SHD: variants seen among roughly 807,000 people sequenced by gnomAD.
SHD encodes Src homology 2 domain containing transforming protein D.
SHD carries 29 observed loss-of-function variants against 31.2 expected under a neutral mutation model. The observed-to-expected ratio is 0.93, with a 90% CI of 0.69 to 1.27. SHD has a LOEUF of 1.27. SHD is among the 50% of genes most tolerant of loss of function. The pLI, the probability that SHD is intolerant of heterozygous loss-of-function variation, is 0.00. For synonymous variants in SHD, 208 were observed against 187.8 expected (o/e 1.11, Z -0.88); for missense variants, 520 against 453.8 (o/e 1.15, Z -1.33).
rs114364058 is a variant in SHD at position 4,281,040 on chromosome 19, G to A, written c.297+680G>A. On this transcript the variant is annotated intron_variant, in intron 1 of 5. Coordinates refer to ENST00000543264, the MANE Select transcript of SHD (RefSeq NM_020209.4). ...CTGCTGGGCACCTAAATATCCTCCCGGTGATGCTGCCCTTCCTACCACTAT... is the reference window on the plus strand; with the variant it reads ...CTGCTGGGCACCTAAATATCCTCCCAGTGATGCTGCCCTTCCTACCACTAT... Among the ~76,000 whole-genome samples the A allele has an allele frequency of 3.2e-3, 487 of 151,338 alleles. 1 individual carries two copies. The highest frequency in any genetic ancestry group is 0.011 in the African/African-American group (465 of 41,276).
intron 1 of SHD, among the ~76,000 whole-genome samples, chr19:4,280,569 C>T (rs1971247722): frequency 6.6e-6 from 1 of 152,148 alleles, no homozygotes; most frequent in Non-Finnish European, 1.5e-5. Flanking sequence ...CCCTGTCACC[C>T]AGGCTGGAGT....
chr19:4,287,340 AG>A (rs1306753291), intron 4 of SHD, among the ~76,000 whole-genome samples: 4 of 148,268 alleles, frequency 2.7e-5, no homozygotes, highest in South Asian at 2.2e-4. Flanking sequence ...TCAAAAAAAA[AG>A]AAAGAAAAAG....
chr19:4,285,496 C>T (rs1971299396), intron 4 of SHD, among the ~76,000 whole-genome samples: 1 of 152,136 alleles, frequency 6.6e-6, no homozygotes, highest in Non-Finnish European at 1.5e-5. Flanking sequence ...CAATACAGAA[C>T]TGGCTATTTA....
chr19:4,283,739 C>T (rs1428610658), intron 3 of SHD, among the ~76,000 whole-genome samples: 12 of 151,554 alleles, frequency 7.9e-5, no homozygotes, highest in African/African-American at 2.4e-4. Flanking sequence ...CCACCACGCC[C>T]GGCTAATTTT....
chr19:4,284,890 C>G lies in SHD; in HGVS notation c.702C>G (p.Pro234=). The G allele has an allele frequency of 6.3e-7, 1 of 1,599,952 alleles. No homozygotes were observed. The highest frequency in any genetic ancestry group is 1.1e-5 in the South Asian group (1 of 90,050). ...CGGAGCGTGTGGACCCAGCCCTGCC[C>G]CTGGAGAAACAGCCGTGAGTGGGGA... ...QPAERVDPAL[P]LEKQPWFHGP... is the part of the protein sequence containing the mutation. Residue 234 remains proline, a synonymous_variant, in exon 4 of 6, where the codon CCC becomes CCG. Transcript: ENST00000543264.
chr19:4,288,764 C>T (rs970020702), intron 5 of SHD, among the ~76,000 whole-genome samples: 2 of 152,118 alleles, frequency 1.3e-5, no homozygotes, highest in East Asian at 1.9e-4. Context: ...TACGCACTTC[C>T]GTCCCTAAAA....
rs757653062 is a variant in SHD at position 4,284,861 on chromosome 19, C to A, written c.673C>A (p.Pro225Thr). The A allele has an allele frequency of 1.9e-6, 3 of 1,612,544 alleles. No individual in the cohort carries two copies. Among genetic ancestry groups the A allele is most frequent in the Non-Finnish European group, 2.5e-6 (3 of 1,179,534 alleles). Residue 225 changes from proline (P) to threonine (T), a missense_variant, in exon 4 of 6, where the codon CCT (proline) becomes ACT (threonine). By Grantham distance (38) the Pro-to-Thr change is conservative. Transcript: ENST00000543264. ...GAGACCTCCGCCCAGAAGCCCCCAG[C>A]CTGCGGAGCGTGTGGACCCAGCCCT... ...LRRPPPRSPQ[P>T]AERVDPALPL...
At position 4,284,784 on chromosome 19, in the gene SHD, A is replaced by G. The variant is rs751030106; in HGVS notation, c.596A>G (p.Gln199Arg). ...KDHISRAFAV[Q>R]FDSPEWERTP... The stretch of plus-strand genomic sequence containing the variant: ...CCTCTCTAAATCTCCTTTCCAGTGC[A>G]GTTTGACAGTCCAGAGTGGGAGAGG... The change falls in exon 4 of 6, where the codon CAG (glutamine) becomes CGG (arginine). Residue 199 changes from glutamine (Q) to arginine (R), a missense_variant. Gln to Arg is a conservative substitution (Grantham distance 43). Transcript: ENST00000543264. The G allele has an allele frequency of 6.2e-7, 1 of 1,600,364 alleles. No individual in the cohort carries two copies. The highest frequency in any genetic ancestry group is 1.7e-5 in the Admixed American group (1 of 59,102).
intron 4 of SHD, among the ~76,000 whole-genome samples, chr19:4,285,889 C>CTTTTTTTTTTTTTTTTTTTTTTTTTTTT (rs56142317): frequency 1.1e-5 from 1 of 87,354 alleles, no homozygotes; most frequent in Non-Finnish European, 2.0e-5. Context: ...CTTTTCCTTT[C>CTTTTTTTTTTTTTTTTTTTTTTTTTTTT]TTTTTTTTTT....
At chr19:4,289,502 T>C (rs1971354493) in intron 5 of SHD, among the ~76,000 whole-genome samples, 1 of 151,942 alleles carries the variant, frequency 6.6e-6, no homozygotes, top group Non-Finnish European at 1.5e-5. Context: ...TGACTCGGCC[T>C]CCCAAAGTGC....
intron 4 of SHD, 133 bp downstream of exon 4, chr19:4,285,037 T>G: frequency 1.7e-6 from 2 of 1,152,402 alleles, no homozygotes; most frequent in Non-Finnish European, 2.3e-6. Flanking sequence ...CACTTATTTC[T>G]TCAGCTAATC....
intron 3 of SHD, 53 bp from the exon 4 acceptor site, chr19:4,284,728 G>C: frequency 1.4e-6 from 2 of 1,407,584 alleles, no homozygotes; most frequent in South Asian, 1.8e-5. Flanking sequence ...CCCCTGCCCC[G>C]CCCCCCAAGG....
At chr19:4,286,961 A>AG (rs113418966) in intron 4 of SHD, among the ~76,000 whole-genome samples, 57,006 of 151,576 alleles carry the variant, frequency 0.38, 11,063 homozygotes, top group Admixed American at 0.49. Flanking sequence ...AGGCTGAAGC[A>AG]GCGGATAACC....
chr19:4,287,887 TTTTTTTG>T (rs920951714), intron 4 of SHD, among the ~76,000 whole-genome samples: 2 of 121,322 alleles, frequency 1.6e-5, no homozygotes, highest in Non-Finnish European at 3.4e-5. Flanking sequence ...CCAGAGTGTG[TTTTTTTG>T]TTTGTTTGTT....
At position 4,279,573 on chromosome 19, in the gene SHD, C is replaced by T. The variant is rs1254085083; in HGVS notation, c.-491C>T. 1 of 153,032 alleles carries T rather than the reference C, an allele frequency of 6.5e-6. No homozygotes were observed. The highest frequency in any genetic ancestry group is 1.5e-5 in the Non-Finnish European group (1 of 68,688). 9.5% of individuals were successfully genotyped at this position (153,032 alleles called of 1,614,324 possible). On this transcript the variant is annotated 5_prime_UTR_variant, in exon 1 of 6. Transcript: ENST00000543264. The surrounding 1 kb of genome is among the most constrained non-coding windows in gnomAD (Gnocchi z 7.5). ...CCCGCGCCCCTGGGGAGCCCGCCCG[C>T]TGCGCTGAGAACCCAGGCGTCCGGG... is the stretch of plus-strand genomic sequence containing the variant.
chr19:4,284,762 C>T lies in SHD; in HGVS notation c.593-19C>T, dbSNP rs1231565540. 3.2e-6 allele frequency: 5 copies of T among 1,575,740 alleles called. No individual in the cohort carries two copies. In the East Asian group the frequency reaches 9.4e-5, roughly 30 times the overall value. On this transcript the variant is annotated intron_variant, in intron 3 of 5. Coordinates refer to ENST00000543264, the MANE Select transcript of SHD (RefSeq NM_020209.4). The stretch of plus-strand genomic sequence containing the variant: ...GGTAGGCTGGACTTAACCCTTTCCT[C>T]TCTAAATCTCCTTTCCAGTGCAGTT...
At chr19:4,286,369 C>T (rs1313930451) in intron 4 of SHD, among the ~76,000 whole-genome samples, 2 of 146,982 alleles carry the variant, frequency 1.4e-5, no homozygotes, top group South Asian at 2.2e-4. Flanking sequence ...TCTTTTGAGA[C>T]AGGGTCTCAC....
At position 4,280,028 on chromosome 19, in the gene SHD, T is replaced by C. The variant is rs570570446; in HGVS notation, c.-36T>C. The C allele has an allele frequency of 6.4e-7, 1 of 1,550,464 alleles. No individual in the cohort carries two copies. The highest frequency in any genetic ancestry group is 1.4e-5 in the African/African-American group (1 of 72,792). Reference sequence around the variant, plus strand: ...CCGGAGAAGGGCATGTGGGGGCCCCTCTGACAGTGGCCCGATTGGGGTGAC... The same window carrying C: ...CCGGAGAAGGGCATGTGGGGGCCCCCCTGACAGTGGCCCGATTGGGGTGAC... On this transcript the variant is annotated 5_prime_UTR_variant, in exon 1 of 6. Transcript: ENST00000543264.
chr19:4,285,596 C>T (rs549946586), intron 4 of SHD, among the ~76,000 whole-genome samples: 36 of 151,870 alleles, frequency 2.4e-4, no homozygotes, highest in African/African-American at 8.2e-4. Context: ...GTCGCCCAGG[C>T]TGGAGTGCAG....
Sources: allele counts gnomAD v4.1 joint callset (sites outside exome capture counted in the v4.1 genomes callset), GRCh38; gene constraint gnomAD v4.1.1; non-coding constraint Gnocchi (gnomAD v3.1); transcripts MANE v1.5; gene names NCBI Gene and HGNC (gene_info 2026-07-23, HGNC 2026-07-21).